MGAT3: variants seen among roughly 807,000 people sequenced by gnomAD.
MGAT3 encodes the protein GlcNAc-T III.
In MGAT3, 9 loss-of-function variants were observed where a neutral mutation model predicts 29.8. The observed-to-expected ratio is 0.30, with a 90% confidence interval of 0.18 to 0.53. The LOEUF (loss-of-function observed/expected upper bound fraction) is 0.53, where lower values mean the gene tolerates loss of function less well. Ranked by LOEUF, MGAT3 falls within the 20% of genes least tolerant of loss-of-function variation. The pLI is 0.96. For synonymous variants in MGAT3, 397 were observed against 348.9 expected, an observed-to-expected ratio of 1.14 and a Z score of -1.54; for missense variants, 557 against 769.5, an observed-to-expected ratio of 0.72 and a Z score of 3.27.
rs1416508589 is a variant in MGAT3 at position 39,461,986 on chromosome 22, C to CT, written c.-2+4430dup. 3.3e-5 allele frequency among the ~76,000 whole-genome samples: 5 copies of CT among 152,042 alleles called. No individual in the cohort carries two copies. In the East Asian group the frequency reaches 5.8e-4, roughly 18 times the overall value. ...GCATGATCTCGGCTCACTGCAACCT[C>CT]TGACTCCCTGGTTCAAGTGATTCTC... On this transcript the variant is annotated intron_variant, in intron 1 of 1. Transcript: ENST00000341184.
rs1928398900 is a variant in MGAT3, at chr22:39,458,294, G to T, written c.-2+737G>T. Among the ~76,000 whole-genome samples, 3 of 152,028 alleles carry T rather than the reference G, an allele frequency of 2.0e-5. No homozygotes were observed. The South Asian group carries it at 6.2e-4, about 32-fold the overall frequency. On this transcript the variant is annotated intron_variant, in intron 1 of 1. Coordinates refer to ENST00000341184, the MANE Select transcript of MGAT3 (RefSeq NM_002409.5). ...CCTGAGCTGGGGTGCAGCAGGAAGGGATGCCGCGCGGCCAGACCTAGTGGT... is the reference window on the plus strand; with the variant it reads ...CCTGAGCTGGGGTGCAGCAGGAAGGTATGCCGCGCGGCCAGACCTAGTGGT...
intron 1 of MGAT3, among the ~76,000 whole-genome samples, chr22:39,460,624 C>T (rs1006524105): frequency 9.9e-5 from 15 of 152,090 alleles, no homozygotes; most frequent in African/African-American, 3.6e-4. Flanking sequence ...ATGGTGAAAC[C>T]CCATCTGTAC....
Position 39,488,963 on chromosome 22 carries a change from G to T in MGAT3, c.*14G>T. The T allele has an allele frequency of 1.3e-6, 2 of 1,587,804 alleles. No individual in the cohort carries two copies. On this transcript the variant is annotated 3_prime_UTR_variant, in exon 2 of 2. Coordinates refer to ENST00000341184, the MANE Select transcript of MGAT3 (RefSeq NM_002409.5). ...GCGGAAGTCTAGAGCTGCATGATCT[G>T]ATAGGGTTTGTGACAGGGCGGGGGT...
intron 1 of MGAT3, among the ~76,000 whole-genome samples, chr22:39,473,798 T>G (rs1928876455): frequency 3.5e-5 from 2 of 56,890 alleles, no homozygotes; most frequent in Admixed American, 2.4e-4. Context: ...TAGGGGAAAA[T>G]AATGGGGGTG....
chr22:39,477,307 G>A (rs1928993830), intron 1 of MGAT3, among the ~76,000 whole-genome samples: 1 of 152,214 alleles, frequency 6.6e-6, no homozygotes, highest in South Asian at 2.1e-4. Context: ...CCTCGGCTGG[G>A]CCGGATTCCG....
At chr22:39,463,788 C>T (rs1049648531) in intron 1 of MGAT3, among the ~76,000 whole-genome samples, 7 of 151,858 alleles carry the variant, frequency 4.6e-5, no homozygotes, top group Non-Finnish European at 7.4e-5. Flanking sequence ...TGGTGGCAAA[C>T]GCCTATAGCC....
intron 1 of MGAT3, among the ~76,000 whole-genome samples, chr22:39,474,984 C>G (rs1928911924): frequency 6.6e-6 from 1 of 152,132 alleles, no homozygotes; most frequent in Non-Finnish European, 1.5e-5. Context: ...TGGAAAAGCC[C>G]CAGCCCAGCG....
At position 39,488,225 on chromosome 22, in the gene MGAT3, G is replaced by T; in HGVS notation, c.878G>T (p.Arg293Leu). 2 of 1,612,350 alleles carry T rather than the reference G, an allele frequency of 1.2e-6. No homozygotes were observed. Among genetic ancestry groups the T allele is most frequent in the Non-Finnish European group, 8.5e-7 (1 of 1,179,920 alleles). The change falls in exon 2 of 2, where the codon CGC (arginine) becomes CTC (leucine). Residue 293 changes from arginine to leucine, a missense_variant. This residue lies in a region of MGAT3 where 243 missense variants were observed against 444.0 expected (regional missense o/e 0.55). Transcript: ENST00000341184. ...QDGWIADDYLRTFLTQDGVSR... is the reference protein window; with the variant it reads ...QDGWIADDYLLTFLTQDGVSR... ...GGCTGGATCGCCGACGACTACCTGC[G>T]CACCTTCCTCACCCAGGACGGCGTC...
At chr22:39,474,826 C>T (rs1928906563) in intron 1 of MGAT3, among the ~76,000 whole-genome samples, 1 of 152,270 alleles carries the variant, frequency 6.6e-6, no homozygotes, top group South Asian at 2.1e-4. Context: ...TTACATCTCT[C>T]CATTCCAGGC....
intron 1 of MGAT3, chr22:39,477,459 T>A (rs1220122233): frequency 6.6e-6 from 1 of 151,542 alleles, no homozygotes; most frequent in Non-Finnish European, 1.5e-5. Flanking sequence ...TTACCTTTCT[T>A]AAAGGAAATA....
Position 39,487,854 on chromosome 22 carries a change from G to A in MGAT3, c.507G>A (p.Val169=), listed in dbSNP as rs779448116. The change falls in exon 2 of 2, where the codon GTG becomes GTA. Residue 169 remains valine, a synonymous_variant. Coordinates refer to ENST00000341184, the MANE Select transcript of MGAT3 (RefSeq NM_002409.5). This position sits in a 1 kb window ranked among gnomAD's most constrained non-coding sequence, Gnocchi z 5.7. ...GCCGAGGCGCCCGGCGCAAGTGGGT[G>A]GAGTGCGTGTGCCTGCCCGGCTGGC... The part of the protein sequence containing the change: ...TGGRGARRKW[V]ECVCLPGWHG... 9.1e-6 allele frequency: 14 copies of A among 1,543,636 alleles called. No individual in the cohort carries two copies. Among genetic ancestry groups the A allele is most frequent in the Middle Eastern group, 1.9e-4 (1 of 5,220 alleles).
Position 39,489,016 on chromosome 22 carries a change from G to A in MGAT3, c.*67G>A. 2 of 1,431,140 alleles carry A rather than the reference G, an allele frequency of 1.4e-6. No homozygotes were observed. Among genetic ancestry groups the A allele is most frequent in the Non-Finnish European group, 9.2e-7 (1 of 1,085,064 alleles). 88.7% of individuals were successfully genotyped at this position (1,431,140 alleles called of 1,614,324 possible). A position where few individuals can be genotyped will look rare whatever the true frequency, so the allele number is the denominator to read the frequency against. On this transcript the variant is annotated 3_prime_UTR_variant, in exon 2 of 2. Transcript: ENST00000341184. ...CGGCGGCCCCTAGCGCTATCTCCCT[G>A]CCTCCTGCCGGCTCCTTGGTTCTTG... is the stretch of plus-strand genomic sequence containing the variant.
intron 1 of MGAT3, among the ~76,000 whole-genome samples, chr22:39,466,950 C>T (rs551285661): frequency 2.6e-5 from 4 of 152,300 alleles, no homozygotes; most frequent in Admixed American, 6.5e-5. Flanking sequence ...TCTGTCCATC[C>T]GTTCTTTCAG....
chr22:39,483,169 C>T (rs896015213), intron 1 of MGAT3, among the ~76,000 whole-genome samples: 2 of 152,180 alleles, frequency 1.3e-5, no homozygotes, highest in African/African-American at 2.4e-5. Flanking sequence ...CTTAGAGTGT[C>T]CCCCTCAGAG....
intron 1 of MGAT3, among the ~76,000 whole-genome samples, chr22:39,464,445 CTT>C (rs895597295): frequency 6.8e-6 from 1 of 146,708 alleles, no homozygotes; most frequent in Non-Finnish European, 1.5e-5. Flanking sequence ...TATTTCTTGT[CTT>C]TTTTTTTTTT....
intron 1 of MGAT3, among the ~76,000 whole-genome samples, chr22:39,460,010 TCTGG>T (rs1928453374): frequency 6.6e-6 from 1 of 152,228 alleles, no homozygotes; most frequent in Non-Finnish European, 1.5e-5. Context: ...CTCATGCAAT[TCTGG>T]GAAGACTACA....
intron 1 of MGAT3, among the ~76,000 whole-genome samples, chr22:39,458,966 G>A (rs1255327680): frequency 6.6e-6 from 1 of 152,206 alleles, no homozygotes; most frequent in African/African-American, 2.4e-5. Context: ...CCTGGCTGGG[G>A]GGATGCCGCT....
At chr22:39,463,153 A>G (rs1928543958) in intron 1 of MGAT3, among the ~76,000 whole-genome samples, 2 of 152,170 alleles carry the variant, frequency 1.3e-5, no homozygotes, top group Admixed American at 1.3e-4. Flanking sequence ...GCTGCTCTTT[A>G]TCAAGCACTT....
At chr22:39,476,299 A>G (rs1928961061) in intron 1 of MGAT3, among the ~76,000 whole-genome samples, 1 of 152,180 alleles carries the variant, frequency 6.6e-6, no homozygotes, top group Non-Finnish European at 1.5e-5. Flanking sequence ...GGCTGACTCC[A>G]TGAGGCCCAG....
Sources: gnomAD v4.1 joint callset for allele counts (sites outside exome capture counted in the v4.1 genomes callset) on GRCh38, gnomAD v4.1.1 for gene constraint, gnomAD v4.1.1 regional missense constraint, Gnocchi (gnomAD v3.1) non-coding constraint, MANE v1.5 for transcripts, NCBI Gene and HGNC (gene_info 2026-07-23, HGNC 2026-07-21) for gene names.